The following SCIN variants were observed in gnomAD, a reference collection of about 807,000 sequenced individuals.
SCIN encodes the protein adseverin.
A neutral mutation model predicts 91.8 loss-of-function variants in SCIN; 91 were observed. The ratio of observed to expected loss-of-function variants is 0.99; its 90% CI spans 0.84 to 1.18. The LOEUF (loss-of-function observed/expected upper bound fraction) is 1.18, where lower values mean the gene tolerates loss of function less well. SCIN is among the 50% of genes most tolerant of loss of function. The pLI is 0.00. For missense variants in SCIN, 1,087 were observed against 863.9 expected (o/e 1.26, Z -3.24); for synonymous variants, 367 against 312.6 (o/e 1.17, Z -1.84).
At chr7:12,585,498 C>G (rs1296929128) in intron 3 of SCIN, among the ~76,000 whole-genome samples, 2 of 152,194 alleles carry the variant, frequency 1.3e-5, no homozygotes, top group East Asian at 1.9e-4. Context: ...AAATCTAACT[C>G]AGACCTCTTG....
intron 14 of SCIN, among the ~76,000 whole-genome samples, chr7:12,650,707 A>G (rs1193872029): frequency 6.6e-6 from 1 of 152,184 alleles, no homozygotes; most frequent in Non-Finnish European, 1.5e-5. Context: ...CACACTTGAC[A>G]AGGAGGAGGA....
rs1039167624 is a variant in SCIN at position 12,570,908 on chromosome 7, A to G, written c.122A>G (p.Tyr41Cys). ...PVPQSAHGDF[Y>C]VGDAYLVLHT... ...CCCCAGAGCGCTCACGGCGACTTCT[A>G]CGTCGGGGATGCCTACCTGGTGCTG... The change falls in exon 1 of 16, where the codon TAC (tyrosine) becomes TGC (cysteine). Residue 41 changes from tyrosine (Y) to cysteine (C), a missense_variant. Physicochemically the swap from Tyr to Cys is radical, Grantham distance 194. Transcript: ENST00000297029. 1.3e-6 allele frequency: 2 copies of G among 1,551,412 alleles called. No individual in the cohort carries two copies. The highest frequency in any genetic ancestry group is 2.7e-5 in the African/African-American group (2 of 73,032).
At chr7:12,587,378 A>G (rs1782609269) in intron 3 of SCIN, among the ~76,000 whole-genome samples, 1 of 152,130 alleles carries the variant, frequency 6.6e-6, no homozygotes, top group Non-Finnish European at 1.5e-5. Context: ...TGGATGTGTG[A>G]GTCTGGTTTG....
At chr7:12,625,429 T>C (rs146067790) in intron 6 of SCIN, among the ~76,000 whole-genome samples, 23 of 73,734 alleles carry the variant, frequency 3.1e-4, no homozygotes, top group African/African-American at 1.2e-3. Flanking sequence ...ATTTTTGCTA[T>C]TCTTTTTTTT....
intron 10 of SCIN, among the ~76,000 whole-genome samples, chr7:12,639,455 T>C (rs528835507): frequency 1.2e-4 from 19 of 152,326 alleles, no homozygotes; most frequent in African/African-American, 3.4e-4. Context: ...ACCTGGCTTC[T>C]AGAAAAAGAC....
chr7:12,654,449 T>C lies in SCIN; in HGVS notation c.*1734T>C, dbSNP rs573872525. 1 of 152,284 alleles carries C rather than the reference T, an allele frequency of 6.6e-6. No individual in the cohort carries two copies. The highest frequency in any genetic ancestry group is 1.9e-4 in the East Asian group (1 of 5,180). 9.4% of individuals were successfully genotyped at this position (152,284 alleles called of 1,614,324 possible). A position where few individuals can be genotyped will look rare whatever the true frequency, so the allele number is the denominator to read the frequency against. ...GCTATGGCAGTGTAACCTGTACTAA[T>C]AAATATAGTGCTAGTCCTGCATGCA... On this transcript the variant is annotated 3_prime_UTR_variant, in exon 16 of 16. Coordinates refer to ENST00000297029, the MANE Select transcript of SCIN (RefSeq NM_001112706.3).
intron 13 of SCIN, among the ~76,000 whole-genome samples, chr7:12,645,630 G>T (rs117875573): frequency 6.6e-6 from 1 of 152,066 alleles, no homozygotes; most frequent in Admixed American, 6.5e-5. Flanking sequence ...TTTCCTGATC[G>T]TCTCCCTCAT....
intron 4 of SCIN, among the ~76,000 whole-genome samples, chr7:12,618,531 A>T (rs2115266126): frequency 6.6e-6 from 1 of 152,296 alleles, no homozygotes; most frequent in African/African-American, 2.4e-5. Flanking sequence ...TCACTGAGAG[A>T]GAGCAGCAGA....
intron 13 of SCIN, among the ~76,000 whole-genome samples, chr7:12,647,688 C>T (rs929015550): frequency 6.6e-6 from 1 of 152,126 alleles, no homozygotes; most frequent in Non-Finnish European, 1.5e-5. Context: ...GGTGTATGTC[C>T]TCTAAAAAGA....
chr7:12,613,719 A>G (rs1427175935), intron 4 of SCIN, among the ~76,000 whole-genome samples: 1 of 152,192 alleles, frequency 6.6e-6, no homozygotes, highest in Non-Finnish European at 1.5e-5. Flanking sequence ...CACAATTTTT[A>G]GAATTACATT....
chr7:12,571,391 T>C (rs1376502759), intron 1 of SCIN: 1 of 334,062 alleles, frequency 3.0e-6, no homozygotes, highest in African/African-American at 2.1e-5. Flanking sequence ...CCTGTCGGGA[T>C]GGAGAGGAAG....
At position 12,653,085 on chromosome 7, in the gene SCIN, A is replaced by G. The variant is rs1165246435; in HGVS notation, c.*370A>G. The G allele has an allele frequency of 2.6e-5, 4 of 152,864 alleles. No homozygotes were observed. The highest frequency in any genetic ancestry group is 9.9e-5 in the African/African-American group (4 of 40,234). 9.5% of individuals were successfully genotyped at this position (152,864 alleles called of 1,614,324 possible). A position where few individuals can be genotyped will look rare whatever the true frequency, so the allele number is the denominator to read the frequency against. On this transcript the variant is annotated 3_prime_UTR_variant, in exon 16 of 16. Coordinates refer to ENST00000297029, the MANE Select transcript of SCIN (RefSeq NM_001112706.3). This position sits in a 1 kb window ranked among gnomAD's most constrained non-coding sequence, Gnocchi z 4.1. ...GCGCCACCACACTCCAGCCTGGGCA[A>G]CAGAGACTCTGTCTCAAAAAAAAAA...
intron 1 of SCIN, among the ~76,000 whole-genome samples, chr7:12,575,918 C>T (rs1782360786): frequency 6.6e-6 from 1 of 152,180 alleles, no homozygotes; most frequent in African/African-American, 2.4e-5. Context: ...CAACCTCATT[C>T]AGGCATCCTG....
chr7:12,627,777 C>G (rs754087901), intron 8 of SCIN, among the ~76,000 whole-genome samples: 1 of 152,130 alleles, frequency 6.6e-6, no homozygotes, highest in Non-Finnish European at 1.5e-5. Flanking sequence ...GCTCAGCCCT[C>G]CTGGCAAACT....
intron 10 of SCIN, among the ~76,000 whole-genome samples, chr7:12,640,044 T>C (rs1427016504): frequency 6.6e-6 from 1 of 152,216 alleles, no homozygotes; most frequent in East Asian, 1.9e-4. Context: ...TTCGGAGATG[T>C]AGATGAACAG....
Position 12,655,101 on chromosome 7 carries a change from A to T in SCIN, c.*2386A>T, listed in dbSNP as rs775801556. On this transcript the variant is annotated 3_prime_UTR_variant, in exon 16 of 16. Coordinates refer to ENST00000297029, the MANE Select transcript of SCIN (RefSeq NM_001112706.3). ...ATAAAACGGCATAGTATTTGCATAA[A>T]ACCTATACCATTCTCCTGTATACTC... is the stretch of plus-strand genomic sequence containing the variant. 3 of 152,192 alleles carry T rather than the reference A, an allele frequency of 2.0e-5. No homozygotes were observed. Among genetic ancestry groups the T allele is most frequent in the Non-Finnish European group, 4.4e-5 (3 of 68,014 alleles). The allele number at this position is 152,192 out of a possible 1,614,324, so 9.4% of individuals were successfully genotyped here.
At chr7:12,627,650 G>T (rs2115276675) in intron 8 of SCIN, among the ~76,000 whole-genome samples, 1 of 152,310 alleles carries the variant, frequency 6.6e-6, no homozygotes, top group East Asian at 1.9e-4. Flanking sequence ...AGCGGCATGG[G>T]TGTTGGAGAG....
At chr7:12,635,611 CAAAAAA>C (rs59324421) in intron 9 of SCIN, among the ~76,000 whole-genome samples, 22 of 5,840 alleles carry the variant, frequency 3.8e-3, no homozygotes, top group Admixed American at 0.021. Context: ...GACTCCGTCT[CAAAAAA>C]AAAAAAAAAA....
Position 12,578,224 on chromosome 7 carries a change from C to T in SCIN, c.354+6C>T. On this transcript the variant is annotated splice_donor_region_variant and intron_variant, in intron 2 of 15. Coordinates refer to ENST00000297029, the MANE Select transcript of SCIN (RefSeq NM_001112706.3). ...AAGGCGGTCTGAAATACAAGGTAAG[C>T]AGCTCCCTCAGTTTCCATTATGAAT... The T allele has an allele frequency of 1.1e-5, 17 of 1,542,406 alleles. No individual in the cohort carries two copies. Among genetic ancestry groups the T allele is most frequent in the Non-Finnish European group, 1.5e-5 (17 of 1,142,848 alleles).
Sources: allele counts gnomAD v4.1 joint callset (sites outside exome capture counted in the v4.1 genomes callset), GRCh38; gene constraint gnomAD v4.1.1; non-coding constraint Gnocchi (gnomAD v3.1); transcripts MANE v1.5; gene names NCBI Gene and HGNC (gene_info 2026-07-23, HGNC 2026-07-21).